MAGI2: variants seen among roughly 807,000 people sequenced by gnomAD.
The protein encoded by MAGI2 is membrane associated guanylate kinase, WW and PDZ domain containing 2, also known as membrane-associated guanylate kinase, WW and PDZ domain-containing protein 2.
Under a neutral mutation model 133.3 loss-of-function variants are expected in MAGI2, and 35 were observed. That is an observed-to-expected ratio of 0.26 (90% CI 0.20 to 0.35). MAGI2 has a LOEUF of 0.35. Among genes scored for constraint, MAGI2 ranks in the 10% least tolerant of loss-of-function variants. The pLI, the probability that MAGI2 is intolerant of heterozygous loss-of-function variation, is 1.00. For missense variants in MAGI2, 1,636 were observed against 1,863.4 expected, an observed-to-expected ratio of 0.88 and a Z score of 2.25; for synonymous variants, 729 against 710.6, an observed-to-expected ratio of 1.03 and a Z score of -0.41.
At chr7:78,774,192 C>T (rs1825804612) in intron 2 of MAGI2, among the ~76,000 whole-genome samples, 1 of 152,126 alleles carries the variant, frequency 6.6e-6, no homozygotes, top group Non-Finnish European at 1.5e-5. Flanking sequence ...AAACCGGAAA[C>T]ATTGTTGATT....
At chr7:78,316,749 A>G (rs1787448041) in intron 9 of MAGI2, among the ~76,000 whole-genome samples, 1 of 152,228 alleles carries the variant, frequency 6.6e-6, no homozygotes, top group South Asian at 2.1e-4. Flanking sequence ...CTTGAGAAGC[A>G]CTTAAATTAT....
At chr7:78,344,164 G>C (rs778677247) in intron 8 of MAGI2, among the ~76,000 whole-genome samples, 3 of 152,106 alleles carry the variant, frequency 2.0e-5, no homozygotes, top group Non-Finnish European at 4.4e-5. Context: ...AGCATCCAGG[G>C]AAAGATGAAA....
chr7:78,934,665 A>G (rs1032016709), intron 2 of MAGI2, among the ~76,000 whole-genome samples: 1 of 152,130 alleles, frequency 6.6e-6, no homozygotes, highest in Non-Finnish European at 1.5e-5. Flanking sequence ...GTATATATAA[A>G]ATATAAATGA....
chr7:78,749,037 TG>T (rs1262325380), intron 2 of MAGI2, among the ~76,000 whole-genome samples: 2 of 152,188 alleles, frequency 1.3e-5, no homozygotes, highest in African/African-American at 4.8e-5. Flanking sequence ...AAGGCATGGT[TG>T]TGGGAGAGAT....
chr7:78,033,641 G>T (rs1056077775), intron 21 of MAGI2, among the ~76,000 whole-genome samples: 1 of 152,164 alleles, frequency 6.6e-6, no homozygotes, highest in African/African-American at 2.4e-5. Context: ...GCTGTGGAGT[G>T]GGTGGGAAGA....
chr7:79,359,667 G>GAAAC (rs1414244620), intron 1 of MAGI2, among the ~76,000 whole-genome samples: 2 of 121,582 alleles, frequency 1.6e-5, no homozygotes, highest in Non-Finnish European at 3.4e-5. Flanking sequence ...GCTCAAGTGG[G>GAAAC]AAACACACAC....
chr7:78,262,100 T>A (rs1245831727), intron 9 of MAGI2, among the ~76,000 whole-genome samples: 1 of 152,126 alleles, frequency 6.6e-6, no homozygotes, highest in African/African-American at 2.4e-5. Context: ...AAAACAGCCA[T>A]CAATTGGAGA....
chr7:78,696,708 G>A (rs1339354797), intron 2 of MAGI2, among the ~76,000 whole-genome samples: 1 of 151,894 alleles, frequency 6.6e-6, no homozygotes, highest in Non-Finnish European at 1.5e-5. Context: ...TCAGTTTTCT[G>A]ATAAATAGAC....
chr7:78,108,642 A>G (rs868311691), intron 20 of MAGI2, among the ~76,000 whole-genome samples: 1 of 148,714 alleles, frequency 6.7e-6, no homozygotes, highest in Admixed American at 6.7e-5. Flanking sequence ...CTCTCTCTGT[A>G]TGTGTGTGTG....
chr7:78,354,198 G>C (rs1314312270), intron 7 of MAGI2, among the ~76,000 whole-genome samples: 1 of 152,176 alleles, frequency 6.6e-6, no homozygotes, highest in Non-Finnish European at 1.5e-5. Context: ...AGCCATTTCT[G>C]TGTACAAGGA....
intron 20 of MAGI2, among the ~76,000 whole-genome samples, chr7:78,099,533 AC>A (rs1818015371): frequency 6.6e-6 from 1 of 152,174 alleles, no homozygotes; most frequent in Admixed American, 6.5e-5. Context: ...GTAATACATC[AC>A]TAAAAAGATA....
At chr7:79,127,825 T>G (rs1415386618) in intron 1 of MAGI2, among the ~76,000 whole-genome samples, 1 of 152,256 alleles carries the variant, frequency 6.6e-6, no homozygotes, top group Non-Finnish European at 1.5e-5. Context: ...TTGTCAATTT[T>G]GGCTTGTGTT....
At chr7:78,317,629 C>T (rs1423368352) in intron 9 of MAGI2, among the ~76,000 whole-genome samples, 1 of 152,188 alleles carries the variant, frequency 6.6e-6, no homozygotes, top group Non-Finnish European at 1.5e-5. Context: ...GCACAGCATT[C>T]GAGCTCTGAT....
chr7:78,969,505 G>C (rs753332767), intron 2 of MAGI2, among the ~76,000 whole-genome samples: 6 of 151,950 alleles, frequency 3.9e-5, no homozygotes, highest in Non-Finnish European at 8.8e-5. Flanking sequence ...TATTTCCCCG[G>C]ACAATGAAGC....
chr7:79,138,931 A>G (rs775926915), intron 1 of MAGI2, among the ~76,000 whole-genome samples: 4 of 148,152 alleles, frequency 2.7e-5, no homozygotes, highest in Admixed American at 6.9e-5. Flanking sequence ...AGCCAAGATC[A>G]CAGCACTGCA....
intron 2 of MAGI2, among the ~76,000 whole-genome samples, chr7:78,655,626 T>C (rs1188586206): frequency 6.6e-6 from 1 of 151,980 alleles, no homozygotes; most frequent in Non-Finnish European, 1.5e-5. Context: ...CTCCAATATG[T>C]ATAGCAATTT....
At chr7:78,671,187 C>G (rs745456258) in intron 2 of MAGI2, among the ~76,000 whole-genome samples, 1 of 152,026 alleles carries the variant, frequency 6.6e-6, no homozygotes, top group Admixed American at 6.6e-5. Context: ...CCTCAAATTT[C>G]CATATTCAGA....
intron 2 of MAGI2, among the ~76,000 whole-genome samples, chr7:78,966,388 T>C (rs1803307694): frequency 6.6e-6 from 1 of 152,100 alleles, no homozygotes; most frequent in South Asian, 2.1e-4. Flanking sequence ...TTCTGCAAAT[T>C]TGCCTATTTA....
chr7:79,061,944 T>C (rs769344444), intron 1 of MAGI2, among the ~76,000 whole-genome samples: 13 of 152,150 alleles, frequency 8.5e-5, no homozygotes, highest in Non-Finnish European at 1.5e-4. Flanking sequence ...ATAGAAATCA[T>C]AATGCCTACT....
Sources: allele counts gnomAD v4.1 joint callset (sites outside exome capture counted in the v4.1 genomes callset), GRCh38; gene constraint gnomAD v4.1.1; transcripts MANE v1.5; gene names NCBI Gene and HGNC (gene_info 2026-07-23, HGNC 2026-07-21).